NAA40: variants seen among roughly 807,000 people sequenced by gnomAD.
NAA40 encodes the protein N-alpha-acetyltransferase 40, NatD catalytic subunit.
Under a neutral mutation model 36.6 loss-of-function variants are expected in NAA40, and 26 were observed. The observed-to-expected ratio is 0.71, with a 90% CI of 0.52 to 0.98. The LOEUF is 0.98. Ranked by LOEUF, NAA40 falls within the 50% of genes least tolerant of loss-of-function variation. The pLI, the probability that NAA40 is intolerant of heterozygous loss-of-function variation, is 0.00. For synonymous variants in NAA40, 129 were observed against 108.4 expected, an observed-to-expected ratio of 1.19 and a Z score of -1.18; for missense variants, 237 against 306.5, an observed-to-expected ratio of 0.77 and a Z score of 1.69.
chr11:63,954,197 C>A, intron 7 of NAA40, 141 bp from the exon 8 acceptor site: 1 of 1,319,592 alleles, frequency 7.6e-7, no homozygotes, highest in Non-Finnish European at 1.0e-6. Context: ...TATGGCAGTG[C>A]TCTCTGATTT....
chr11:63,941,471 C>T (rs1942107775), intron 1 of NAA40, among the ~76,000 whole-genome samples: 1 of 152,190 alleles, frequency 6.6e-6, no homozygotes, highest in Middle Eastern at 3.2e-3. Context: ...GGGGTAGAGA[C>T]ATTGATACTG....
rs59054123 is a variant in NAA40 at position 63,944,178 on chromosome 11, G to A, written c.7-1662G>A. On this transcript the variant is annotated intron_variant, in intron 1 of 7. Transcript: ENST00000377793. ...AGTGTCATTCCTTGGAAAATAGTGG[G>A]TAGAACTGATTCTGAGAACTTCCCC... Among the ~76,000 whole-genome samples, 871 of 152,300 alleles carry A rather than the reference G, an allele frequency of 5.7e-3. 5 individuals are homozygous for A. The highest frequency in any genetic ancestry group is 0.02 in the African/African-American group (827 of 41,562).
chr11:63,939,370 C>T, intron 1 of NAA40: 3 of 1,246,438 alleles, frequency 2.4e-6, no homozygotes, highest in Non-Finnish European at 3.0e-6. Flanking sequence ...GGACCCGTTA[C>T]TGGCCTCCCC....
At chr11:63,947,280 G>A (rs767990828) in intron 3 of NAA40, among the ~76,000 whole-genome samples, 3 of 151,990 alleles carry the variant, frequency 2.0e-5, no homozygotes, top group African/African-American at 4.8e-5. Context: ...GGTGGCGATC[G>A]CCTGTAATCC....
At chr11:63,939,581 C>T in intron 1 of NAA40, 2 of 694,482 alleles carry the variant, frequency 2.9e-6, no homozygotes, top group Non-Finnish European at 1.8e-6. Context: ...CTCCCGAATC[C>T]CAGTCCACTG....
intron 1 of NAA40, among the ~76,000 whole-genome samples, chr11:63,943,977 A>G (rs12421757): frequency 0.28 from 41,862 of 152,032 alleles, 7,389 homozygotes; most frequent in Non-Finnish European, 0.39. Flanking sequence ...TCTATTCTCT[A>G]TTTTGTTCCT....
intron 1 of NAA40, among the ~76,000 whole-genome samples, chr11:63,944,757 G>T (rs1245559584): frequency 6.6e-6 from 1 of 152,010 alleles, no homozygotes; most frequent in Non-Finnish European, 1.5e-5. Flanking sequence ...ACAAAAATCA[G>T]CTGGACATGG....
intron 3 of NAA40, among the ~76,000 whole-genome samples, chr11:63,950,547 C>T (rs954380705): frequency 2.6e-5 from 4 of 152,196 alleles, no homozygotes; most frequent in Non-Finnish European, 5.9e-5. Context: ...ACTGCAACCT[C>T]TGCCTCCCTG....
In NAA40 at chr11:63,957,027, T is replaced by C. The variant is rs984714207; in HGVS notation, c.*2548T>C. ...CCTTTTTTACCAGGCTTTTTGTGTT[T>C]TGTTTGTTTGTTTGGAGCATGTTAA... On this transcript the variant is annotated 3_prime_UTR_variant, in exon 8 of 8. Coordinates refer to ENST00000377793, the MANE Select transcript of NAA40 (RefSeq NM_024771.4). The C allele has an allele frequency of 2.0e-5, 3 of 151,832 alleles. No individual in the cohort carries two copies. Among genetic ancestry groups the C allele is most frequent in the Non-Finnish European group, 2.9e-5 (2 of 67,832 alleles). The allele number at this position is 151,832 out of a possible 1,614,324, so 9.4% of individuals were successfully genotyped here.
intron 3 of NAA40, among the ~76,000 whole-genome samples, chr11:63,951,817 T>G (rs1423920552): frequency 6.6e-6 from 1 of 152,114 alleles, no homozygotes; most frequent in African/African-American, 2.4e-5. Context: ...GGGAGCCTAG[T>G]GAGGAGTCAG....
At chr11:63,944,977 C>G (rs902583700) in intron 1 of NAA40, among the ~76,000 whole-genome samples, 1 of 151,986 alleles carries the variant, frequency 6.6e-6, no homozygotes, top group Non-Finnish European at 1.5e-5. Flanking sequence ...TGGCTCTTGC[C>G]GTGTGTTACC....
intron 1 of NAA40, 74 bp downstream of exon 1, chr11:63,939,176 C>T (rs1008832789): frequency 3.8e-6 from 4 of 1,044,416 alleles, no homozygotes; most frequent in African/African-American, 4.6e-5. Context: ...TGTTCTTAAA[C>T]CCCCCTCTCA....
At chr11:63,939,328 C>T (rs1942068616) in intron 1 of NAA40, 8 of 1,264,542 alleles carry the variant, frequency 6.3e-6, no homozygotes, top group African/African-American at 1.6e-5. Context: ...CCTCGGCGCC[C>T]CCAGCGTCAC....
At chr11:63,946,442 C>A in intron 2 of NAA40, 1 of 801,988 alleles carries the variant, frequency 1.2e-6, no homozygotes, top group Non-Finnish European at 1.6e-6. Flanking sequence ...TGAGCCCAAG[C>A]ATTTCACCTG....
At chr11:63,953,105 A>G (rs112765620) in intron 6 of NAA40, among the ~76,000 whole-genome samples, 4,314 of 139,154 alleles carry the variant, frequency 0.031, 260 homozygotes, top group Admixed American at 0.17. Flanking sequence ...CTGGAGTGCA[A>G]TGGTGCCATC....
intron 6 of NAA40, 22 bp downstream of exon 6, chr11:63,952,861 G>C (rs1156903674): frequency 1.2e-6 from 2 of 1,604,226 alleles, no homozygotes; most frequent in Non-Finnish European, 1.7e-6. Flanking sequence ...CTTCTTAGGA[G>C]GCCCATATAG....
At chr11:63,952,618 A>G in intron 5 of NAA40, 53 bp downstream of exon 5, 1 of 1,607,788 alleles carries the variant, frequency 6.2e-7, no homozygotes, top group Non-Finnish European at 8.5e-7. Context: ...GCGATGTTCC[A>G]GGCACTCCAG....
At chr11:63,950,675 G>A (rs1233193782) in intron 3 of NAA40, among the ~76,000 whole-genome samples, 3 of 151,536 alleles carry the variant, frequency 2.0e-5, no homozygotes, top group African/African-American at 7.3e-5. Flanking sequence ...TGTTGGCCAG[G>A]CTAGTCTCGA....
At chr11:63,951,811 G>A (rs1479150968) in intron 3 of NAA40, among the ~76,000 whole-genome samples, 1 of 152,238 alleles carries the variant, frequency 6.6e-6, no homozygotes, top group Non-Finnish European at 1.5e-5. Context: ...TCCCATGGGA[G>A]CCTAGTGAGG....
Sources: allele counts gnomAD v4.1 joint callset (sites outside exome capture counted in the v4.1 genomes callset), GRCh38; gene constraint gnomAD v4.1.1; transcripts MANE v1.5; gene names NCBI Gene and HGNC (gene_info 2026-07-23, HGNC 2026-07-21).